The following MYO1E variants were observed in gnomAD, a reference collection of about 807,000 sequenced individuals.
MYO1E encodes the protein myosin IE.
In MYO1E, 68 loss-of-function variants were observed where a neutral mutation model predicts 151.1. The observed-to-expected ratio is 0.45, with a 90% CI of 0.37 to 0.55. The LOEUF (loss-of-function observed/expected upper bound fraction) is 0.55, where lower values mean the gene tolerates loss of function less well. Among genes scored for constraint, MYO1E ranks in the 20% least tolerant of loss-of-function variants. The probability of loss-of-function intolerance (pLI) is 0.00; values close to 1 mark genes in which losing one functional copy is unlikely to be tolerated. For synonymous variants in MYO1E, 601 were observed against 501.7 expected (o/e 1.20, Z -2.64); for missense variants, 1,363 against 1,389.3 (o/e 0.98, Z 0.30).
At chr15:59,356,130 G>A (rs760057601) in intron 1 of MYO1E, among the ~76,000 whole-genome samples, 11 of 152,190 alleles carry the variant, frequency 7.2e-5, no homozygotes, top group Admixed American at 3.3e-4. Flanking sequence ...CGGGGAAGGC[G>A]TTTGCCCCAT....
chr15:59,230,506 T>C (rs1480402751), intron 6 of MYO1E, among the ~76,000 whole-genome samples: 1 of 152,154 alleles, frequency 6.6e-6, no homozygotes, highest in East Asian at 1.9e-4. Flanking sequence ...GTCAAGTCCA[T>C]TTTTATAAGA....
chr15:59,286,344 T>A (rs745984263), intron 1 of MYO1E, among the ~76,000 whole-genome samples: 1 of 152,252 alleles, frequency 6.6e-6, no homozygotes, highest in Non-Finnish European at 1.5e-5. Context: ...CAGATTGCCC[T>A]ATTTTTCTGA....
At chr15:59,364,865 T>C (rs2080904327) in intron 1 of MYO1E, among the ~76,000 whole-genome samples, 1 of 151,972 alleles carries the variant, frequency 6.6e-6, no homozygotes, top group Non-Finnish European at 1.5e-5. Flanking sequence ...GCCGAGATTA[T>C]GCCACTGCAC....
intron 22 of MYO1E, among the ~76,000 whole-genome samples, chr15:59,168,761 C>T (rs1460999822): frequency 6.6e-6 from 1 of 152,038 alleles, no homozygotes; most frequent in Non-Finnish European, 1.5e-5. Flanking sequence ...GCTGGGACCA[C>T]GGGCACGTAC....
At chr15:59,357,980 G>A (rs2080864491) in intron 1 of MYO1E, among the ~76,000 whole-genome samples, 1 of 152,162 alleles carries the variant, frequency 6.6e-6, no homozygotes, top group African/African-American at 2.4e-5. Flanking sequence ...TTGGCAAGTG[G>A]TAGAATGTCA....
intron 16 of MYO1E, among the ~76,000 whole-genome samples, chr15:59,200,443 C>G (rs2079794166): frequency 6.6e-6 from 1 of 152,146 alleles, no homozygotes; most frequent in Non-Finnish European, 1.5e-5. Context: ...TACTAAATGT[C>G]TCTAGTTCTT....
At chr15:59,281,053 C>G (rs2080350350) in intron 1 of MYO1E, among the ~76,000 whole-genome samples, 1 of 152,122 alleles carries the variant, frequency 6.6e-6, no homozygotes, top group Non-Finnish European at 1.5e-5. Flanking sequence ...GAGAAGCCAC[C>G]CATCACCAGA....
At chr15:59,163,844 C>G (rs975058504) in intron 22 of MYO1E, among the ~76,000 whole-genome samples, 5 of 152,368 alleles carry the variant, frequency 3.3e-5, no homozygotes, top group South Asian at 4.1e-4. Context: ...TCTGTGGACA[C>G]TGTAGGCCAG....
At chr15:59,166,662 T>C (rs1228081561) in intron 22 of MYO1E, among the ~76,000 whole-genome samples, 1 of 152,098 alleles carries the variant, frequency 6.6e-6, no homozygotes, top group Non-Finnish European at 1.5e-5. Flanking sequence ...TTTAGGAAAC[T>C]GGAAGATACG....
At position 59,350,816 on chromosome 15, in the gene MYO1E, A is replaced by T. The variant is rs2080818883; in HGVS notation, c.3+21682T>A. 6.6e-6 allele frequency among the ~76,000 whole-genome samples: 1 copy of T among 152,208 alleles called. No homozygotes were observed. The highest frequency in any genetic ancestry group is 1.5e-5 in the Non-Finnish European group (1 of 68,032). Reference sequence around the variant, plus strand: ...GGGCCACAATTTGGAGAAGGGAATGATCTCCACGAGTTAAATCAGAGGCTT... The same window carrying T: ...GGGCCACAATTTGGAGAAGGGAATGTTCTCCACGAGTTAAATCAGAGGCTT... On this transcript the variant is annotated intron_variant, in intron 1 of 27. Coordinates refer to ENST00000288235, the MANE Select transcript of MYO1E (RefSeq NM_004998.4). This position sits in a 1 kb window ranked among gnomAD's most constrained non-coding sequence, Gnocchi z 5.0.
chr15:59,216,232 T>C (rs2079913438), intron 10 of MYO1E, among the ~76,000 whole-genome samples: 1 of 152,036 alleles, frequency 6.6e-6, no homozygotes, highest in African/African-American at 2.4e-5. Flanking sequence ...TAGCTAGGAA[T>C]CTAGGGCCTC....
intron 1 of MYO1E, among the ~76,000 whole-genome samples, chr15:59,360,640 T>G (rs1346129712): frequency 2.0e-5 from 3 of 152,138 alleles, no homozygotes; most frequent in Non-Finnish European, 2.9e-5. Context: ...GTTTTTGCCC[T>G]TTTTTTCCCC....
At chr15:59,326,644 A>G (rs1289409374) in intron 1 of MYO1E, among the ~76,000 whole-genome samples, 1 of 152,194 alleles carries the variant, frequency 6.6e-6, no homozygotes, top group East Asian at 1.9e-4. Context: ...TTTGAGCCTA[A>G]ATGTCTCCTA....
rs1279428293 is a variant in MYO1E, at chr15:59,270,572, G to GA, written c.147+1733dup. 3.5e-4 allele frequency among the ~76,000 whole-genome samples: 49 copies of GA among 141,436 alleles called. No individual in the cohort carries two copies. In the East Asian group the frequency reaches 3.5e-3, roughly 10 times the overall value. The allele number at this position is 141,436 out of a possible 152,430, so 92.8% of individuals were successfully genotyped here. ...AAAAAAAAAAAAAGAAAAGAAAAAA[G>GA]AAAAAAAAATCACATTATATCCCAC... On this transcript the variant is annotated intron_variant, in intron 2 of 27. Transcript: ENST00000288235.
At chr15:59,220,776 T>C (rs1358533392) in intron 9 of MYO1E, among the ~76,000 whole-genome samples, 9 of 151,590 alleles carry the variant, frequency 5.9e-5, no homozygotes, top group Admixed American at 4.6e-4. Context: ...GTGTAGCCAA[T>C]GAATGGAATG....
intron 19 of MYO1E, among the ~76,000 whole-genome samples, chr15:59,175,735 C>T (rs1339830054): frequency 4.6e-5 from 7 of 152,100 alleles, no homozygotes; most frequent in Non-Finnish European, 1.0e-4. Flanking sequence ...TCTTCTTTCC[C>T]AGAACTATTT....
At chr15:59,139,044 T>C (rs2079391317) in intron 26 of MYO1E, among the ~76,000 whole-genome samples, 1 of 152,094 alleles carries the variant, frequency 6.6e-6, no homozygotes, top group South Asian at 2.1e-4. Flanking sequence ...GCACTGTGGA[T>C]GGTCACTTGG....
intron 1 of MYO1E, among the ~76,000 whole-genome samples, chr15:59,285,009 A>C (rs911998847): frequency 6.6e-6 from 1 of 152,220 alleles, no homozygotes; most frequent in Non-Finnish European, 1.5e-5. Flanking sequence ...CATGTCACAT[A>C]CATCAAGCAC....
intron 2 of MYO1E, among the ~76,000 whole-genome samples, chr15:59,268,377 T>C (rs1343814896): frequency 1.3e-5 from 2 of 152,224 alleles, no homozygotes; most frequent in Non-Finnish European, 2.9e-5. Context: ...AAGTAACTCA[T>C]TTCCTTGGTA....
Sources: allele counts gnomAD v4.1 joint callset (sites outside exome capture counted in the v4.1 genomes callset), GRCh38; gene constraint gnomAD v4.1.1; non-coding constraint Gnocchi (gnomAD v3.1); transcripts MANE v1.5; gene names NCBI Gene and HGNC (gene_info 2026-07-23, HGNC 2026-07-21).